The following COX7B2 variants were observed in gnomAD, a reference collection of about 807,000 sequenced individuals.
The protein encoded by COX7B2 is cytochrome c oxidase subunit 7B2, also known as cytochrome c oxidase subunit 7B2, mitochondrial.
For missense variants in COX7B2, 109 were observed against 95.9 expected, an observed-to-expected ratio of 1.14 and a Z score of -0.57; for synonymous variants, 37 against 32.1, an observed-to-expected ratio of 1.15 and a Z score of -0.51.
At chr4:46,759,380 C>A (rs148926001) in intron 2 of COX7B2, among the ~76,000 whole-genome samples, 1 of 151,366 alleles carries the variant, frequency 6.6e-6, no homozygotes. Flanking sequence ...ATGAAGAATG[C>A]CTAAAAGAAA....
At position 46,858,672 on chromosome 4, in the gene COX7B2, G is replaced by C. The variant is rs1717157223; in HGVS notation, c.-104-13658C>G. ...AGACTTTTGGAAACACTACAGCTCT[G>C]CTTACTCCAATTCCTGATGAATGCT... On this transcript the variant is annotated intron_variant, in intron 1 of 2. Coordinates refer to ENST00000355591, the MANE Select transcript of COX7B2 (RefSeq NM_130902.3). Among the ~76,000 whole-genome samples, 3 of 152,054 alleles carry C rather than the reference G, an allele frequency of 2.0e-5. No individual in the cohort carries two copies. In the South Asian group the frequency reaches 6.2e-4, roughly 31 times the overall value.
chr4:46,858,611 C>T (rs965852131), intron 1 of COX7B2, among the ~76,000 whole-genome samples: 6 of 152,038 alleles, frequency 3.9e-5, no homozygotes, highest in African/African-American at 1.4e-4. Flanking sequence ...GTTGAGACCC[C>T]GTAGAAGGAG....
intron 1 of COX7B2, among the ~76,000 whole-genome samples, chr4:46,851,743 GTCCT>G (rs1211352287): frequency 2.6e-5 from 4 of 152,098 alleles, no homozygotes; most frequent in Admixed American, 6.6e-5. Context: ...TTTGTAAAAT[GTCCT>G]TCCATTTATG....
chr4:46,756,357 C>A (rs1715799941), intron 2 of COX7B2, among the ~76,000 whole-genome samples: 1 of 151,866 alleles, frequency 6.6e-6, no homozygotes, highest in Non-Finnish European at 1.5e-5. Flanking sequence ...TATAAAAATC[C>A]TAGGAAAATC....
At chr4:46,795,469 T>C (rs1718274973) in intron 2 of COX7B2, among the ~76,000 whole-genome samples, 1 of 133,696 alleles carries the variant, frequency 7.5e-6, no homozygotes, top group Non-Finnish European at 1.6e-5. Flanking sequence ...CCTTTCCCCA[T>C]TGCTTGTTTT....
chr4:46,817,053 A>T (rs1284397589), intron 2 of COX7B2, among the ~76,000 whole-genome samples: 1 of 152,180 alleles, frequency 6.6e-6, no homozygotes, highest in Non-Finnish European at 1.5e-5. Context: ...AATATTTTTT[A>T]AAAAGACATA....
At chr4:46,884,749 G>A (rs1718972365) in intron 1 of COX7B2, among the ~76,000 whole-genome samples, 1 of 152,058 alleles carries the variant, frequency 6.6e-6, no homozygotes, top group Admixed American at 6.6e-5. Context: ...TTTGAATGTT[G>A]TCCTTGTCTC....
intron 2 of COX7B2, among the ~76,000 whole-genome samples, chr4:46,831,444 C>G (rs953445300): frequency 1.3e-5 from 2 of 152,158 alleles, no homozygotes; most frequent in Non-Finnish European, 2.9e-5. Context: ...GCGCATGGCA[C>G]GGGACTGGCA....
chr4:46,783,473 C>T (rs149066751), intron 2 of COX7B2, among the ~76,000 whole-genome samples: 34 of 152,272 alleles, frequency 2.2e-4, no homozygotes, highest in Admixed American at 1.2e-3. Flanking sequence ...GAGAAATCCA[C>T]ATTATTAATA....
chr4:46,772,409 C>T lies in COX7B2; in HGVS notation c.-49-37168G>A, dbSNP rs181313604. ...AGTTAATGATACTGTATAGTATGCT[C>T]GAAATTTGCTGAGAGTAGATCTTAA... On this transcript the variant is annotated intron_variant, in intron 2 of 2. Coordinates refer to ENST00000355591, the MANE Select transcript of COX7B2 (RefSeq NM_130902.3). 1.1e-4 allele frequency among the ~76,000 whole-genome samples: 16 copies of T among 151,998 alleles called. 2 individuals are homozygous for T. Among genetic ancestry groups the T allele is most frequent in the African/African-American group, 3.1e-4 (13 of 41,456 alleles).
intron 2 of COX7B2, among the ~76,000 whole-genome samples, chr4:46,841,622 A>G (rs114111637): frequency 0.011 from 1,682 of 152,070 alleles, 15 homozygotes; most frequent in Middle Eastern, 0.041. Context: ...ACAGTCACTC[A>G]GCCATTGAGG....
At chr4:46,859,755 A>G (rs1717225046) in intron 1 of COX7B2, among the ~76,000 whole-genome samples, 1 of 152,222 alleles carries the variant, frequency 6.6e-6, no homozygotes, top group Non-Finnish European at 1.5e-5. Context: ...CAGTCCCACC[A>G]GTGCCATGAT....
chr4:46,880,378 G>A (rs184275922), intron 1 of COX7B2, among the ~76,000 whole-genome samples: 12 of 148,252 alleles, frequency 8.1e-5, no homozygotes, highest in Admixed American at 4.7e-4. Flanking sequence ...TAATACATCC[G>A]GTAGAATTCA....
chr4:46,893,480 C>T (rs1279897805), intron 1 of COX7B2, among the ~76,000 whole-genome samples: 2 of 152,112 alleles, frequency 1.3e-5, no homozygotes, highest in East Asian at 1.9e-4. Context: ...TCTCTAGACT[C>T]GGCACAATGG....
chr4:46,827,164 G>A (rs909031798), intron 2 of COX7B2, among the ~76,000 whole-genome samples: 2 of 151,664 alleles, frequency 1.3e-5, no homozygotes, highest in Non-Finnish European at 2.9e-5. Context: ...GAGACAAAAA[G>A]TGAAAGAAAA....
At chr4:46,838,725 T>A (rs532966665) in intron 2 of COX7B2, among the ~76,000 whole-genome samples, 1 of 152,166 alleles carries the variant, frequency 6.6e-6, no homozygotes, top group East Asian at 1.9e-4. Flanking sequence ...AGCTTTCATT[T>A]CACTTGTCTT....
At chr4:46,868,327 G>A (rs912588491) in intron 1 of COX7B2, among the ~76,000 whole-genome samples, 15 of 152,050 alleles carry the variant, frequency 9.9e-5, no homozygotes, top group Admixed American at 9.8e-4. Context: ...ACCAACTCCT[G>A]GATACATTGA....
intron 1 of COX7B2, among the ~76,000 whole-genome samples, chr4:46,866,741 G>A (rs1717691601): frequency 1.3e-5 from 2 of 151,908 alleles, no homozygotes; most frequent in African/African-American, 4.8e-5. Flanking sequence ...CTAGACCTTT[G>A]GCAAATGTAA....
chr4:46,830,439 A>G (rs952546264), intron 2 of COX7B2, among the ~76,000 whole-genome samples: 1 of 152,176 alleles, frequency 6.6e-6, no homozygotes, highest in Non-Finnish European at 1.5e-5. Flanking sequence ...GGAAAATATG[A>G]AATAAAAAGT....
Sources: allele counts gnomAD v4.1 joint callset (sites outside exome capture counted in the v4.1 genomes callset), GRCh38; gene constraint gnomAD v4.1.1; transcripts MANE v1.5; gene names NCBI Gene and HGNC (gene_info 2026-07-23, HGNC 2026-07-21).